NDUFAF6: variants seen among roughly 807,000 people sequenced by gnomAD.
NDUFAF6 encodes NADH dehydrogenase (ubiquinone) complex I, assembly factor 6.
NDUFAF6 carries 45 observed loss-of-function variants against 40.8 expected under a neutral mutation model. The ratio of observed to expected loss-of-function variants is 1.10; its 90% CI spans 0.87 to 1.42. The LOEUF (loss-of-function observed/expected upper bound fraction) is 1.42. Ranked by LOEUF, NDUFAF6 falls within the 40% of genes most tolerant of loss-of-function variation. The probability of loss-of-function intolerance (pLI) is 0.00; values close to 1 mark genes in which losing one functional copy is unlikely to be tolerated. For missense variants in NDUFAF6, 435 were observed against 418.5 expected, an observed-to-expected ratio of 1.04 and a Z score of -0.34; for synonymous variants, 185 against 155.9, an observed-to-expected ratio of 1.19 and a Z score of -1.39.
chr8:95,025,042 C>T lies in NDUFAF6; in HGVS notation c.34C>T (p.Pro12Ser), dbSNP rs960009462. 11 of 1,417,020 alleles carry T rather than the reference C, an allele frequency of 7.8e-6. No homozygotes were observed. The South Asian group carries it at 1.4e-4, about 18-fold the overall frequency. The allele number at this position is 1,417,020 out of a possible 1,614,324, so 87.8% of individuals were successfully genotyped here. A position where few individuals can be genotyped will look rare whatever the true frequency, so the allele number is the denominator to read the frequency against. ...CTCCGCGCACGGCTCTGTCTGGGGG[C>T]CGTTGCGGCTTGGCATCCCCGGCCT... The part of the protein sequence containing the change: ...AASAHGSVWG[P>S]LRLGIPGLCC... The change falls in exon 1 of 9, where the codon CCG (proline) becomes TCG (serine). Residue 12 changes from proline (P) to serine (S), a missense_variant. Pro to Ser is a moderately conservative substitution (Grantham distance 74). Transcript: ENST00000396124.
chr8:94,989,160 G>A (rs531335284), intron 2 of NDUFAF6: 27 of 152,098 alleles, frequency 1.8e-4, no homozygotes, highest in Non-Finnish European at 2.9e-4. Flanking sequence ...TCTCAATAAA[G>A]TTGTTCAAAA....
upstream of NDUFAF6, among the ~76,000 whole-genome samples, chr8:95,098,912 ACT>A (rs1251590147): frequency 2.6e-5 from 4 of 152,112 alleles, no homozygotes; most frequent in Admixed American, 6.5e-5. Flanking sequence ...ACAGAGTAAG[ACT>A]CTGTCTCAAA....
intron 2 of NDUFAF6, among the ~76,000 whole-genome samples, chr8:95,007,458 G>A (rs941577095): frequency 9.2e-5 from 14 of 152,088 alleles, no homozygotes; most frequent in Non-Finnish European, 1.0e-4. Context: ...GAGCTCAGGA[G>A]TTCAAGACTA....
downstream of NDUFAF6, among the ~76,000 whole-genome samples, chr8:95,063,041 G>A (rs1322389783): frequency 6.6e-6 from 1 of 152,204 alleles, no homozygotes; most frequent in Non-Finnish European, 1.5e-5. Flanking sequence ...GGAAAGCAAA[G>A]TGAGGAAGAA....
intron 9 of NDUFAF6, among the ~76,000 whole-genome samples, chr8:95,072,550 G>GGA (rs1832902545): frequency 6.6e-6 from 1 of 152,212 alleles, no homozygotes; most frequent in African/African-American, 2.4e-5. Flanking sequence ...TTCCTATGAT[G>GGA]GCTTGGAACC....
intron 9 of NDUFAF6, among the ~76,000 whole-genome samples, chr8:95,064,800 C>T (rs79951127): frequency 0.061 from 9,306 of 152,092 alleles, 327 homozygotes; most frequent in Non-Finnish European, 0.083. Flanking sequence ...CTGCCTCATA[C>T]GCTGGGGGAA....
chr8:94,902,693 CTTTT>C (rs35185664), intron 1 of NDUFAF6, among the ~76,000 whole-genome samples: 1 of 121,550 alleles, frequency 8.2e-6, no homozygotes. Flanking sequence ...TGTGGACATA[CTTTT>C]TTTTTTTTTT....
At chr8:94,985,826 G>T (rs146111427) in intron 2 of NDUFAF6, among the ~76,000 whole-genome samples, 2,251 of 150,190 alleles carry the variant, frequency 0.015, 67 homozygotes, top group African/African-American at 0.049. Context: ...GAGCCTCCAT[G>T]CCCTGCAACA....
At chr8:94,999,758 A>G (rs1000771754) in intron 2 of NDUFAF6, among the ~76,000 whole-genome samples, 34 of 152,178 alleles carry the variant, frequency 2.2e-4, no homozygotes, top group African/African-American at 8.0e-4. Context: ...AACTTTCTAC[A>G]TTGATTTTGC....
intron 1 of NDUFAF6, among the ~76,000 whole-genome samples, chr8:94,977,222 T>G (rs1231353744): frequency 6.6e-6 from 1 of 151,374 alleles, no homozygotes; most frequent in Non-Finnish European, 1.5e-5. Context: ...CATAAAAATA[T>G]TGATATGGGC....
At chr8:94,938,653 C>A (rs1035419521) in intron 1 of NDUFAF6, among the ~76,000 whole-genome samples, 1 of 152,202 alleles carries the variant, frequency 6.6e-6, no homozygotes, top group African/African-American at 2.4e-5. Flanking sequence ...CCATAAGACC[C>A]CAATAGTACT....
At chr8:94,947,443 C>T (rs1215467760) in intron 2 of NDUFAF6, among the ~76,000 whole-genome samples, 1 of 152,214 alleles carries the variant, frequency 6.6e-6, no homozygotes, top group Non-Finnish European at 1.5e-5. Flanking sequence ...TCTTCCACTA[C>T]TTTAAAAACG....
At chr8:94,928,319 T>G (rs1261326489) in intron 1 of NDUFAF6, 2 of 152,344 alleles carry the variant, frequency 1.3e-5, no homozygotes, top group African/African-American at 2.4e-5. Flanking sequence ...TTCTGTAGCT[T>G]GTGAGGTACT....
upstream of NDUFAF6, among the ~76,000 whole-genome samples, chr8:95,022,815 C>T (rs538868723): frequency 2.0e-5 from 3 of 152,114 alleles, no homozygotes; most frequent in East Asian, 5.8e-4. Flanking sequence ...AAAGACAAAA[C>T]TAAAACCTAA....
chr8:94,904,719 C>T (rs1384038130), intron 1 of NDUFAF6, among the ~76,000 whole-genome samples: 4 of 151,312 alleles, frequency 2.6e-5, no homozygotes, highest in African/African-American at 9.7e-5. Flanking sequence ...TATTTCTTTC[C>T]TGTTTCTTTC....
chr8:95,065,286 C>G (rs990885613), intron 9 of NDUFAF6, among the ~76,000 whole-genome samples: 4 of 152,162 alleles, frequency 2.6e-5, no homozygotes, highest in Non-Finnish European at 5.9e-5. Context: ...GAGCCTTCAA[C>G]TTGGATCTGA....
intron 2 of NDUFAF6, among the ~76,000 whole-genome samples, chr8:95,090,857 C>T (rs1469024666): frequency 6.6e-6 from 1 of 152,088 alleles, no homozygotes; most frequent in Non-Finnish European, 1.5e-5. Context: ...GCATCCCAGC[C>T]CACATTTTTC....
rs541614684 is a variant in NDUFAF6, at chr8:95,091,313, G to C, written n.214-9819G>C. ...TCTCACATGGCGGCAGGAAAAACAA[G>C]AGTGAGGAGGGAAAGGGGAAGAGCC... On this transcript the variant is annotated intron_variant and non_coding_transcript_variant, in intron 2 of 5. Coordinates refer to the NDUFAF6 transcript ENST00000523184. Among the ~76,000 whole-genome samples the C allele has an allele frequency of 6.6e-5, 10 of 152,188 alleles. No individual in the cohort carries two copies. The South Asian group carries it at 1.7e-3, about 25-fold the overall frequency.
chr8:95,032,840 A>G (rs1046869737), intron 2 of NDUFAF6, among the ~76,000 whole-genome samples: 34 of 152,226 alleles, frequency 2.2e-4, no homozygotes, highest in Admixed American at 1.0e-3. Flanking sequence ...ACCGAGGCAC[A>G]ACTGAGATTC....
Sources: gnomAD v4.1 joint callset for allele counts (sites outside exome capture counted in the v4.1 genomes callset) on GRCh38, gnomAD v4.1.1 for gene constraint, MANE v1.5 for transcripts, NCBI Gene and HGNC (gene_info 2026-07-23, HGNC 2026-07-21) for gene names.